DCAF1: variants seen among roughly 807,000 people sequenced by gnomAD.
The protein encoded by DCAF1 is DDB1 and CUL4 associated factor 1, also known as DDB1- and CUL4-associated factor 1.
Under a neutral mutation model 128.0 loss-of-function variants are expected in DCAF1, and 15 were observed. The ratio of observed to expected loss-of-function variants is 0.12; its 90% CI spans 0.08 to 0.18. The LOEUF is 0.18. Among genes scored for constraint, DCAF1 ranks in the 10% least tolerant of loss-of-function variants. The pLI, the probability that DCAF1 is intolerant of heterozygous loss-of-function variation, is 1.00. For missense variants in DCAF1, 988 were observed against 1,649.5 expected, an observed-to-expected ratio of 0.60 and a Z score of 6.95; for synonymous variants, 610 against 603.0, an observed-to-expected ratio of 1.01 and a Z score of -0.17.
intron 2 of DCAF1, among the ~76,000 whole-genome samples, chr3:51,489,785 C>CAA (rs1402813573): frequency 2.4e-5 from 2 of 84,902 alleles, no homozygotes; most frequent in Non-Finnish European, 5.1e-5. Context: ...GACTCTGTCT[C>CAA]AAAAAAAAAA....
chr3:51,404,603 G>A (rs1434203920), intron 23 of DCAF1, among the ~76,000 whole-genome samples: 4 of 152,198 alleles, frequency 2.6e-5, no homozygotes, highest in African/African-American at 7.2e-5. Flanking sequence ...CACCATTAGT[G>A]ACTTTTTGAT....
At chr3:51,429,536 TAAA>T (rs1700189141) in intron 11 of DCAF1, 66 bp from the exon 12 acceptor site, 1 of 746,034 alleles carries the variant, frequency 1.3e-6, no homozygotes, top group East Asian at 2.5e-5. Context: ...TAAAAATATT[TAAA>T]AAAGGGAAAA....
At chr3:51,427,799 ATTATT>A (rs1438113664) in intron 12 of DCAF1, among the ~76,000 whole-genome samples, 1 of 151,864 alleles carries the variant, frequency 6.6e-6, no homozygotes, top group Non-Finnish European at 1.5e-5. Context: ...CACCCAGCTA[ATTATT>A]TTATTTTTTG....
At chr3:51,498,883 A>G (rs546455232) in intron 1 of DCAF1, among the ~76,000 whole-genome samples, 1 of 152,324 alleles carries the variant, frequency 6.6e-6, no homozygotes, top group South Asian at 2.1e-4. Flanking sequence ...ATGCAGGATG[A>G]TATTACCAAT....
At chr3:51,467,554 C>T (rs937105043) in intron 4 of DCAF1, among the ~76,000 whole-genome samples, 9 of 151,748 alleles carry the variant, frequency 5.9e-5, no homozygotes, top group Non-Finnish European at 1.2e-4. Flanking sequence ...ATGCAAATGA[C>T]GAGTTAATGG....
intron 13 of DCAF1, among the ~76,000 whole-genome samples, chr3:51,423,553 C>A (rs1699622771): frequency 6.6e-6 from 1 of 150,942 alleles, no homozygotes; most frequent in Non-Finnish European, 1.5e-5. Flanking sequence ...TGCAGTGGCT[C>A]ACGCCGGTAA....
intron 7 of DCAF1, among the ~76,000 whole-genome samples, chr3:51,442,281 G>A (rs1701428723): frequency 1.3e-5 from 2 of 152,076 alleles, no homozygotes; most frequent in South Asian, 4.1e-4. Context: ...ATCTACTGTA[G>A]GTTGTATTCC....
chr3:51,477,297 C>T (rs1705582603), intron 3 of DCAF1, among the ~76,000 whole-genome samples: 1 of 151,434 alleles, frequency 6.6e-6, no homozygotes, highest in Non-Finnish European at 1.5e-5. Context: ...AACACCCAAA[C>T]CTGCAGCCAG....
At chr3:51,483,627 GT>G in intron 3 of DCAF1, 91 bp downstream of exon 3, 5 of 816,558 alleles carry the variant, frequency 6.1e-6, no homozygotes, top group Non-Finnish European at 1.1e-5. Context: ...GTGTGTGTGT[GT>G]GTGTGTGTGT....
rs782208014 is a variant in DCAF1 at position 51,443,879 on chromosome 3, T to C, written c.400A>G (p.Lys134Glu). The C allele has an allele frequency of 6.2e-7, 1 of 1,606,270 alleles. No individual in the cohort carries two copies. The highest frequency in any genetic ancestry group is 8.5e-7 in the Non-Finnish European group (1 of 1,178,070). ...GGTTGATCGGCCTCTCGGGCCCATT[T>C]GAAAAGATTCTCGACAATTCCCTCC... The part of the protein sequence containing the change: ...EKEGIVENLF[K>E]WAREADQPLR... The change falls in exon 7 of 25, where the codon AAA becomes GAA. Residue 134 changes from lysine (K) to glutamate (E), a missense_variant. By Grantham distance (56) the Lys-to-Glu change is moderately conservative (BLOSUM62 1). This residue lies in a region of DCAF1 where 210 missense variants were observed against 260.2 expected (regional missense o/e 0.81). Coordinates refer to ENST00000684031, the MANE Select transcript of DCAF1 (RefSeq NM_001387579.1).
At position 51,420,054 on chromosome 3, in the gene DCAF1, G is replaced by T; in HGVS notation, c.2916C>A (p.Ile972=). ...ERPSPCNGRK[I]RVLRQKSDHG... Reference sequence around the variant, plus strand: ...GGTCCGACTTCTGCCGCAACACTCTGATTTTCCTGCCATTGCAGGGTGATG... The same window carrying T: ...GGTCCGACTTCTGCCGCAACACTCTTATTTTCCTGCCATTGCAGGGTGATG... Residue 972 remains isoleucine, a synonymous_variant, in exon 15 of 25, where the codon ATC becomes ATA. Transcript: ENST00000684031. This position sits in a 1 kb window ranked among gnomAD's most constrained non-coding sequence, Gnocchi z 6.5. 1 of 1,614,042 alleles carries T rather than the reference G, an allele frequency of 6.2e-7. No individual in the cohort carries two copies. The highest frequency in any genetic ancestry group is 1.1e-5 in the South Asian group (1 of 91,088).
At chr3:51,452,977 T>C (rs924567644) in intron 6 of DCAF1, among the ~76,000 whole-genome samples, 11 of 151,414 alleles carry the variant, frequency 7.3e-5, no homozygotes, top group East Asian at 1.9e-4. Flanking sequence ...GATCACACTA[T>C]TGCACTCCAG....
At chr3:51,407,181 A>G (rs552790454) in intron 23 of DCAF1, among the ~76,000 whole-genome samples, 1 of 61,240 alleles carries the variant, frequency 1.6e-5, no homozygotes, top group Admixed American at 2.5e-4. Flanking sequence ...AAAAAAAAAC[A>G]ACAACAAAAC....
chr3:51,482,504 C>A (rs1706331157), intron 3 of DCAF1, among the ~76,000 whole-genome samples: 1 of 151,774 alleles, frequency 6.6e-6, no homozygotes, highest in South Asian at 2.1e-4. Flanking sequence ...GTGGCTCACA[C>A]CTGTAATCCC....
intron 6 of DCAF1, among the ~76,000 whole-genome samples, chr3:51,456,193 G>A (rs1261654759): frequency 2.0e-5 from 3 of 152,158 alleles, no homozygotes; most frequent in South Asian, 2.1e-4. Context: ...CTGGAAAATC[G>A]GATCACTCCG....
chr3:51,482,219 A>C (rs1553653087), intron 3 of DCAF1, among the ~76,000 whole-genome samples: 1 of 147,040 alleles, frequency 6.8e-6, no homozygotes, highest in Non-Finnish European at 1.5e-5. Flanking sequence ...CCGAGACAGG[A>C]GGATTGCTTG....
chr3:51,504,704 C>T (rs1014344561), upstream of DCAF1, among the ~76,000 whole-genome samples: 8 of 152,194 alleles, frequency 5.3e-5, no homozygotes, highest in East Asian at 5.8e-4. Context: ...GACCATTCTA[C>T]AGGATTCAGG....
intron 3 of DCAF1, among the ~76,000 whole-genome samples, chr3:51,480,531 G>A (rs372973242): frequency 1.5e-4 from 22 of 151,050 alleles, no homozygotes; most frequent in Middle Eastern, 3.4e-3. Flanking sequence ...GCCAGGAGGC[G>A]GAGGTTGCAG....
chr3:51,462,292 T>C (rs1035493054), intron 6 of DCAF1, among the ~76,000 whole-genome samples: 1 of 151,756 alleles, frequency 6.6e-6, no homozygotes, highest in Non-Finnish European at 1.5e-5. Flanking sequence ...CATGGTAGCG[T>C]ACACCTGTAA....
Sources: gnomAD v4.1 joint callset for allele counts (sites outside exome capture counted in the v4.1 genomes callset) on GRCh38, gnomAD v4.1.1 for gene constraint, gnomAD v4.1.1 regional missense constraint, Gnocchi (gnomAD v3.1) non-coding constraint, MANE v1.5 for transcripts, NCBI Gene and HGNC (gene_info 2026-07-23, HGNC 2026-07-21) for gene names.